CDKAL1: variants seen among roughly 807,000 people sequenced by gnomAD.
CDKAL1 encodes CDKAL1 threonylcarbamoyladenosine tRNA methylthiotransferase, also known as threonylcarbamoyladenosine tRNA methylthiotransferase.
Under a neutral mutation model 68.2 loss-of-function variants are expected in CDKAL1, and 32 were observed. That is an observed-to-expected ratio of 0.47 (90% CI 0.35 to 0.63). The LOEUF (loss-of-function observed/expected upper bound fraction) is 0.63, where lower values mean the gene tolerates loss of function less well. Among genes scored for constraint, CDKAL1 ranks in the 30% least tolerant of loss-of-function variants. CDKAL1 has a pLI of 0.00. For missense variants in CDKAL1, 606 were observed against 696.7 expected (o/e 0.87, Z 1.47); for synonymous variants, 234 against 244.3 (o/e 0.96, Z 0.39).
chr6:20,604,804 T>C (rs1766263936), intron 4 of CDKAL1, among the ~76,000 whole-genome samples: 1 of 152,256 alleles, frequency 6.6e-6, no homozygotes, highest in Non-Finnish European at 1.5e-5. Flanking sequence ...ATACATGTGC[T>C]GTCTCTTTGA....
intron 13 of CDKAL1, among the ~76,000 whole-genome samples, chr6:21,136,467 G>T (rs1775603716): frequency 6.6e-6 from 1 of 152,144 alleles, no homozygotes; most frequent in Admixed American, 6.5e-5. Flanking sequence ...ATTATTGGTA[G>T]TAGTGTTAAT....
intron 4 of CDKAL1, among the ~76,000 whole-genome samples, chr6:20,598,261 A>C (rs1489652190): frequency 6.6e-6 from 1 of 152,252 alleles, no homozygotes; most frequent in Non-Finnish European, 1.5e-5. Context: ...TATAGTTAGA[A>C]AAATCACTGG....
chr6:20,734,863 C>CTTTTTTTT (rs34104100), intron 5 of CDKAL1, among the ~76,000 whole-genome samples: 5 of 87,722 alleles, frequency 5.7e-5, no homozygotes, highest in African/African-American at 8.9e-5. Flanking sequence ...TGCTGCACCT[C>CTTTTTTTT]TTTTTTTTTT....
At chr6:21,015,841 A>G (rs1768296796) in intron 11 of CDKAL1, among the ~76,000 whole-genome samples, 1 of 151,714 alleles carries the variant, frequency 6.6e-6, no homozygotes, top group Admixed American at 6.6e-5. Context: ...CCAGCTACTC[A>G]GGAGGCTGAG....
At chr6:20,612,867 A>T (rs1766679419) in intron 4 of CDKAL1, among the ~76,000 whole-genome samples, 1 of 151,920 alleles carries the variant, frequency 6.6e-6, no homozygotes, top group African/African-American at 2.4e-5. Flanking sequence ...TTTTGAATGG[A>T]TAATTTGTTG....
chr6:20,631,181 C>T (rs116132353), intron 4 of CDKAL1, among the ~76,000 whole-genome samples: 1 of 152,314 alleles, frequency 6.6e-6, no homozygotes, highest in African/African-American at 2.4e-5. Context: ...GCCTCTGTGA[C>T]ATACTGCCAC....
intron 5 of CDKAL1, among the ~76,000 whole-genome samples, chr6:20,703,205 G>T (rs1336893034): frequency 6.6e-6 from 1 of 152,024 alleles, no homozygotes; most frequent in Non-Finnish European, 1.5e-5. Context: ...CTGGGGCTTG[G>T]CAAACAATGG....
chr6:20,609,373 C>CCTTCTTCTTCTT, intron 4 of CDKAL1, among the ~76,000 whole-genome samples: 1 of 107,800 alleles, frequency 9.3e-6, no homozygotes, highest in Non-Finnish European at 1.7e-5. Context: ...TTCTCCTTCT[C>CCTTCTTCTTCTT]CTTCTTCTTC....
intron 4 of CDKAL1, among the ~76,000 whole-genome samples, chr6:20,616,254 G>C (rs1343576706): frequency 6.6e-6 from 1 of 152,086 alleles, no homozygotes; most frequent in Non-Finnish European, 1.5e-5. Context: ...GGATTGCCTT[G>C]GCGATGCGGG....
intron 5 of CDKAL1, among the ~76,000 whole-genome samples, chr6:20,712,943 A>G (rs746676829): frequency 1.4e-4 from 22 of 152,288 alleles, no homozygotes; most frequent in Non-Finnish European, 2.9e-4. Flanking sequence ...CCTGGCCTAT[A>G]TAACTTTAAA....
At chr6:20,801,011 AGG>A (rs1325971765) in intron 8 of CDKAL1, among the ~76,000 whole-genome samples, 7 of 152,212 alleles carry the variant, frequency 4.6e-5, no homozygotes, top group African/African-American at 1.7e-4. Flanking sequence ...TTAACCTGCC[AGG>A]CTCAAGCAGT....
chr6:20,905,865 T>C (rs1031384533), intron 9 of CDKAL1, among the ~76,000 whole-genome samples: 1 of 134,132 alleles, frequency 7.5e-6, no homozygotes, highest in Non-Finnish European at 1.6e-5. Context: ...CTGTTCTTCA[T>C]GAGTGAGATA....
At chr6:21,004,214 A>G (rs894108348) in intron 11 of CDKAL1, among the ~76,000 whole-genome samples, 10 of 152,364 alleles carry the variant, frequency 6.6e-5, no homozygotes, top group Non-Finnish European at 8.8e-5. Context: ...TGAAAGTGGA[A>G]GTGAAATCTT....
chr6:20,971,900 G>A (rs1765621132), intron 10 of CDKAL1, among the ~76,000 whole-genome samples: 1 of 152,014 alleles, frequency 6.6e-6, no homozygotes, highest in Non-Finnish European at 1.5e-5. Flanking sequence ...TACTTGATGT[G>A]ACCTTGAATT....
At chr6:21,135,882 T>G (rs1775568177) in intron 13 of CDKAL1, 1 of 155,834 alleles carries the variant, frequency 6.4e-6, no homozygotes, top group African/African-American at 2.4e-5. Context: ...TTCCTCTCCC[T>G]CCACGAGTCG....
intron 9 of CDKAL1, among the ~76,000 whole-genome samples, chr6:20,943,518 G>A (rs1170852266): frequency 6.6e-6 from 1 of 151,894 alleles, no homozygotes; most frequent in Non-Finnish European, 1.5e-5. Context: ...TAGTGTGCTT[G>A]GTGTGGTTCT....
intron 13 of CDKAL1, among the ~76,000 whole-genome samples, chr6:21,188,184 T>C (rs1778090945): frequency 6.6e-6 from 1 of 152,224 alleles, no homozygotes; most frequent in African/African-American, 2.4e-5. Context: ...TTCTATTTGC[T>C]TTTTGACTTT....
At chr6:20,728,278 T>C (rs1772744406) in intron 5 of CDKAL1, among the ~76,000 whole-genome samples, 1 of 152,190 alleles carries the variant, frequency 6.6e-6, no homozygotes, top group Non-Finnish European at 1.5e-5. Context: ...TTATATTGTA[T>C]GCACGATAGG....
chr6:20,616,717 T>A (rs1025980003), intron 4 of CDKAL1, among the ~76,000 whole-genome samples: 2 of 151,846 alleles, frequency 1.3e-5, no homozygotes, highest in East Asian at 1.9e-4. Flanking sequence ...TATTTGACTT[T>A]TTATGGCCAG....
Sources: gnomAD v4.1 joint callset for allele counts (sites outside exome capture counted in the v4.1 genomes callset) on GRCh38, gnomAD v4.1.1 for gene constraint, MANE v1.5 for transcripts, NCBI Gene and HGNC (gene_info 2026-07-23, HGNC 2026-07-21) for gene names.